The following TGIF1 variants were observed in gnomAD, a reference collection of about 807,000 sequenced individuals.
The protein encoded by TGIF1 is homeobox protein TGIF1.
TGIF1 carries 4 observed loss-of-function variants against 19.3 expected under a neutral mutation model. The ratio of observed to expected loss-of-function variants is 0.21; its 90% confidence interval spans 0.10 to 0.47. The LOEUF is 0.47. Ranked by LOEUF, TGIF1 falls within the 20% of genes least tolerant of loss-of-function variation. TGIF1 has a pLI of 0.98. For missense variants in TGIF1, 275 were observed against 341.4 expected (o/e 0.81, Z 1.53); for synonymous variants, 122 against 129.3 (o/e 0.94, Z 0.38).
chr18:3,425,454 A>AT (rs1490422361), intron 2 of TGIF1, among the ~76,000 whole-genome samples: 1 of 152,218 alleles, frequency 6.6e-6, no homozygotes, highest in African/African-American at 2.4e-5. Flanking sequence ...CATTATTCCG[A>AT]AAGTCATAAG....
At chr18:3,431,712 T>A (rs979192570) in intron 2 of TGIF1, among the ~76,000 whole-genome samples, 1 of 152,132 alleles carries the variant, frequency 6.6e-6, no homozygotes, top group Non-Finnish European at 1.5e-5. Context: ...AATATTAACT[T>A]TATTATTATT....
At chr18:3,452,288 G>T (rs757783979) in intron 1 of TGIF1, 2 of 1,610,772 alleles carry the variant, frequency 1.2e-6, no homozygotes, top group South Asian at 1.1e-5. Context: ...CCAAGGCTGG[G>T]CCCCGCCGGC....
intron 1 of TGIF1, among the ~76,000 whole-genome samples, chr18:3,450,985 C>A (rs2082904959): frequency 6.8e-6 from 1 of 146,736 alleles, no homozygotes; most frequent in Admixed American, 6.8e-5. Context: ...CCGCCCCCGC[C>A]GCCCCCCTAC....
intron 2 of TGIF1, chr18:3,418,667 T>C (rs1032671872): frequency 5.9e-5 from 9 of 152,188 alleles, no homozygotes; most frequent in African/African-American, 2.2e-4. Flanking sequence ...CAACTGTGTG[T>C]GTGTGTGTGT....
chr18:3,449,793 G>C, upstream of TGIF1: 1 of 985,566 alleles, frequency 1.0e-6, no homozygotes, highest in Non-Finnish European at 1.2e-6. Context: ...TTTCTTCCCG[G>C]GGGTGGAGGA....
At chr18:3,415,113 T>A (rs1008328239) in intron 1 of TGIF1, 3 of 159,582 alleles carry the variant, frequency 1.9e-5, no homozygotes, top group Non-Finnish European at 4.2e-5. Flanking sequence ...TTGGTCTCCC[T>A]CAATGGCTGA....
intron 2 of TGIF1, among the ~76,000 whole-genome samples, chr18:3,429,300 A>G (rs1159006139): frequency 6.6e-6 from 1 of 152,016 alleles, no homozygotes; most frequent in Non-Finnish European, 1.5e-5. Context: ...TTGCTCAAAC[A>G]ATCCTCCCAA....
chr18:3,422,129 G>C (rs1412671264), intron 2 of TGIF1, among the ~76,000 whole-genome samples: 1 of 146,776 alleles, frequency 6.8e-6, no homozygotes, highest in Non-Finnish European at 1.5e-5. Flanking sequence ...GGGAGGCGGA[G>C]ATTGCAGTGA....
chr18:3,451,021 T>G lies in TGIF1; in HGVS notation c.16+516T>G, dbSNP rs971672316. On this transcript the variant is annotated intron_variant, in intron 1 of 2. Coordinates refer to ENST00000343820, the MANE Select transcript of TGIF1 (RefSeq NM_003244.4). The surrounding 1 kb of genome is among the most constrained non-coding windows in gnomAD (Gnocchi z 5.4). ...TCCCAGCCGGGCCCTAGCACTGTTC[T>G]TTAGGGATGTGGTGTTTTTACGATC... is the stretch of plus-strand genomic sequence containing the variant. Among the ~76,000 whole-genome samples the G allele has an allele frequency of 3.9e-4, 57 of 145,352 alleles. No homozygotes were observed. The highest frequency in any genetic ancestry group is 1.4e-3 in the African/African-American group (56 of 39,840).
At chr18:3,442,798 AC>A (rs1199549590) in intron 2 of TGIF1, among the ~76,000 whole-genome samples, 1 of 152,226 alleles carries the variant, frequency 6.6e-6, no homozygotes, top group Admixed American at 6.5e-5. Context: ...AATGACTAAT[AC>A]ATACACAAAA....
intron 2 of TGIF1, among the ~76,000 whole-genome samples, chr18:3,428,796 C>T (rs1363463160): frequency 6.6e-6 from 1 of 151,978 alleles, no homozygotes; most frequent in African/African-American, 2.4e-5. Flanking sequence ...GATCCTAGCA[C>T]TTTGGGAGGC....
chr18:3,438,920 T>C (rs1326933971), intron 2 of TGIF1, among the ~76,000 whole-genome samples: 1 of 152,180 alleles, frequency 6.6e-6, no homozygotes, highest in East Asian at 1.9e-4. Flanking sequence ...TTGTTCTCTC[T>C]GACAAGAAGA....
upstream of TGIF1, chr18:3,448,580 G>A: frequency 1.0e-6 from 1 of 985,424 alleles, no homozygotes; most frequent in Non-Finnish European, 1.2e-6. Flanking sequence ...GCAAACCACA[G>A]AAGAAAAAAA....
Position 3,444,949 on chromosome 18 carries a change from T to C in TGIF1, c.-44-11405T>C, listed in dbSNP as rs527346191. On this transcript the variant is annotated intron_variant, in intron 2 of 3. Coordinates refer to the TGIF1 transcript ENST00000401449. Reference sequence around the variant, plus strand: ...CTCCCCATGGGGATTTCTATCCCCATGGAACATCTGCCAACATATGGAGAC... The same window carrying C: ...CTCCCCATGGGGATTTCTATCCCCACGGAACATCTGCCAACATATGGAGAC... Among the ~76,000 whole-genome samples the C allele has an allele frequency of 1.2e-3, 188 of 152,276 alleles. 1 individual carries two copies. The highest frequency in any genetic ancestry group is 2.5e-3 in the Non-Finnish European group (167 of 68,006).
At chr18:3,448,326 C>A, upstream of TGIF1, 1 of 985,454 alleles carries the variant, frequency 1.0e-6, no homozygotes, top group Non-Finnish European at 1.2e-6. Context: ...ATCCCAGCCA[C>A]AGACAACCCT....
intron 1 of TGIF1, among the ~76,000 whole-genome samples, chr18:3,452,572 G>T (rs1598901976): frequency 1.3e-5 from 2 of 152,026 alleles, no homozygotes; most frequent in South Asian, 4.1e-4. Flanking sequence ...TCCTTTGCTT[G>T]TGCTAACTCG....
At chr18:3,433,077 T>TC (rs1475157844) in intron 2 of TGIF1, among the ~76,000 whole-genome samples, 1 of 150,954 alleles carries the variant, frequency 6.6e-6, no homozygotes, top group Non-Finnish European at 1.5e-5. Flanking sequence ...CTTCTTCTTT[T>TC]TTTTTTTTGA....
At chr18:3,423,405 C>T (rs1026481026) in intron 2 of TGIF1, among the ~76,000 whole-genome samples, 6 of 152,072 alleles carry the variant, frequency 3.9e-5, no homozygotes, top group Admixed American at 6.6e-5. Flanking sequence ...TAAGGCTGAG[C>T]GCAGTGGCTC....
rs754876067 is a variant in TGIF1, at chr18:3,456,608, G to C, written c.243+28G>C. The C allele has an allele frequency of 1.9e-6, 3 of 1,604,394 alleles. No individual in the cohort carries two copies. In the Admixed American group the frequency reaches 5.0e-5, roughly 27 times the overall value. On this transcript the variant is annotated intron_variant, in intron 2 of 2. Transcript: ENST00000343820. The surrounding 1 kb of genome is among the most constrained non-coding windows in gnomAD (Gnocchi z 4.2). ...AAAGAAAGAGAGCGTGAGGTTTATG[G>C]ATGCATTTTTAGTTTCAAAGTCATT...
Sources: allele counts gnomAD v4.1 joint callset (sites outside exome capture counted in the v4.1 genomes callset), GRCh38; gene constraint gnomAD v4.1.1; non-coding constraint Gnocchi (gnomAD v3.1); transcripts MANE v1.5; gene names NCBI Gene and HGNC (gene_info 2026-07-23, HGNC 2026-07-21).